OLFML2B: variants seen among roughly 807,000 people sequenced by gnomAD.
The protein encoded by OLFML2B is olfactomedin like 2B.
Under a neutral mutation model 74.9 loss-of-function variants are expected in OLFML2B, and 57 were observed. That is an observed-to-expected ratio of 0.76 (90% confidence interval 0.61 to 0.95). OLFML2B has a LOEUF of 0.95. Ranked by LOEUF, OLFML2B falls within the 40% of genes least tolerant of loss-of-function variation. The pLI, the probability that OLFML2B is intolerant of heterozygous loss-of-function variation, is 0.00. For synonymous variants in OLFML2B, 388 were observed against 405.8 expected, an observed-to-expected ratio of 0.96 and a Z score of 0.53; for missense variants, 986 against 970.6, an observed-to-expected ratio of 1.02 and a Z score of -0.21.
At chr1:162,022,260 T>TTTTTTTTTTTTTTTTTC (rs1460566719) in intron 1 of OLFML2B, among the ~76,000 whole-genome samples, 3 of 127,820 alleles carry the variant, frequency 2.3e-5, no homozygotes, top group Non-Finnish European at 3.3e-5. Flanking sequence ...TTTTTTTTTT[T>TTTTTTTTTTTTTTTTTC]TTTTTTTTGA....
chr1:162,005,801 A>G (rs1690208406), intron 4 of OLFML2B, among the ~76,000 whole-genome samples: 2 of 149,602 alleles, frequency 1.3e-5, no homozygotes, highest in Non-Finnish European at 3.0e-5. Context: ...GCTAATCAGG[A>G]GGCTGAGGCA....
At chr1:162,013,604 A>G (rs1690452901) in intron 3 of OLFML2B, among the ~76,000 whole-genome samples, 1 of 152,152 alleles carries the variant, frequency 6.6e-6, no homozygotes, top group African/African-American at 2.4e-5. Context: ...AGCATAACTA[A>G]TGCTTATCTT....
intron 6 of OLFML2B, among the ~76,000 whole-genome samples, chr1:161,987,343 T>TA (rs954867566): frequency 2.0e-5 from 3 of 151,646 alleles, no homozygotes; most frequent in Non-Finnish European, 4.4e-5. Context: ...TGTGATTACA[T>TA]AAAAAAAATC....
At chr1:162,014,312 A>C (rs1340369053) in intron 3 of OLFML2B, among the ~76,000 whole-genome samples, 2 of 152,256 alleles carry the variant, frequency 1.3e-5, no homozygotes, top group East Asian at 3.8e-4. Flanking sequence ...ACCAAAAGGT[A>C]AACTCAAAAT....
At position 162,018,989 on chromosome 1, in the gene OLFML2B, G is replaced by A. The variant is rs112616848; in HGVS notation, c.438+930C>T. 4.9e-3 allele frequency among the ~76,000 whole-genome samples: 742 copies of A among 152,306 alleles called. 5 individuals are homozygous for A. Among genetic ancestry groups the A allele is most frequent in the African/African-American group, 0.017 (703 of 41,566 alleles). ...AGTCTAATCCTACAACTGAGTGAGT[G>A]TGGCACTTGGTTCAGAAAGTTGTTC... is the stretch of plus-strand genomic sequence containing the variant. On this transcript the variant is annotated intron_variant, in intron 2 of 7. Transcript: ENST00000294794.
intron 3 of OLFML2B, among the ~76,000 whole-genome samples, chr1:162,013,891 AACACACACACAC>A (rs59665350): frequency 0.11 from 16,297 of 143,134 alleles, 981 homozygotes; most frequent in Middle Eastern, 0.2. Context: ...AAAAAAGCCC[AACACACACACAC>A]ACACACACAC....
At chr1:162,012,463 T>C (rs1003437639) in intron 3 of OLFML2B, among the ~76,000 whole-genome samples, 7 of 152,194 alleles carry the variant, frequency 4.6e-5, no homozygotes, top group African/African-American at 1.7e-4. Flanking sequence ...GCCAGTACAT[T>C]CTGGGGAGCG....
At position 162,014,727 on chromosome 1, in the gene OLFML2B, C is replaced by A. The variant is rs540970860; in HGVS notation, c.546+2673G>T. On this transcript the variant is annotated intron_variant, in intron 3 of 7. Transcript: ENST00000294794. ...AATACAGTGCTCCACTATTTGGGCA[C>A]AGGGGCCCAGACCCATCTGAAGACT... Among the ~76,000 whole-genome samples, 4 of 152,338 alleles carry A rather than the reference C, an allele frequency of 2.6e-5. No homozygotes were observed. In the South Asian group the frequency reaches 8.3e-4, roughly 32 times the overall value.
chr1:162,022,212 T>C (rs2101983434), intron 1 of OLFML2B, among the ~76,000 whole-genome samples: 1 of 150,560 alleles, frequency 6.6e-6, no homozygotes, highest in South Asian at 2.1e-4. Flanking sequence ...CTGAAGACTG[T>C]CAGACGCCCT....
Position 162,012,321 on chromosome 1 carries a change from G to A in OLFML2B, c.546+5079C>T, listed in dbSNP as rs190175163. Among the ~76,000 whole-genome samples, 238 of 152,296 alleles carry A rather than the reference G, an allele frequency of 1.6e-3. 1 individual carries two copies. Among genetic ancestry groups the A allele is most frequent in the Admixed American group, 2.5e-3 (39 of 15,298 alleles). On this transcript the variant is annotated intron_variant, in intron 3 of 7. Coordinates refer to ENST00000294794, the MANE Select transcript of OLFML2B (RefSeq NM_015441.3). ...CCAAGTCTGCACAGATGAAAATTACGTTTTCCTATTAGCTGGTGAAACGAT... is the reference window on the plus strand; with the variant it reads ...CCAAGTCTGCACAGATGAAAATTACATTTTCCTATTAGCTGGTGAAACGAT...
chr1:162,009,286 A>C (rs1690312388), intron 3 of OLFML2B, among the ~76,000 whole-genome samples: 1 of 152,150 alleles, frequency 6.6e-6, no homozygotes, highest in African/African-American at 2.4e-5. Context: ...GAGTGTCCAC[A>C]CCTGCGGCCC....
intron 6 of OLFML2B, among the ~76,000 whole-genome samples, chr1:161,986,978 G>T (rs1266818339): frequency 6.6e-6 from 1 of 152,224 alleles, no homozygotes; most frequent in Non-Finnish European, 1.5e-5. Context: ...GGACTCGTCT[G>T]TGCAGCTCCA....
chr1:161,983,817 G>T lies in OLFML2B; in HGVS notation c.2111C>A (p.Thr704Asn). The T allele has an allele frequency of 3.1e-6, 5 of 1,614,178 alleles. No homozygotes were observed. Among genetic ancestry groups the T allele is most frequent in the Non-Finnish European group, 4.2e-6 (5 of 1,180,038 alleles). ...ANISYAFDTHTNTQIVPRLLF... is the reference protein window; with the variant it reads ...ANISYAFDTHNNTQIVPRLLF... ...CAGCCTGGGGACGATCTGTGTGTTG[G>T]TGTGGGTGTCGAAAGCGTAGGAGAT... Residue 704 changes from threonine to asparagine, a missense_variant, in exon 8 of 8, where the codon ACC becomes AAC. Physicochemically the swap from Thr to Asn is moderately conservative, Grantham distance 65. Transcript: ENST00000294794.
Position 161,992,532 on chromosome 1 carries a change from C to G in OLFML2B, c.1474+5293G>C, listed in dbSNP as rs141103104. Among the ~76,000 whole-genome samples the G allele has an allele frequency of 5.7e-3, 865 of 152,352 alleles. 6 individuals carry two copies. Among genetic ancestry groups the G allele is most frequent in the African/African-American group, 0.02 (836 of 41,588 alleles). ...CCTATCTCGGCTTTTGACATGCCATCCTCGCTCAGCTCTGACATTTCCAGC... is the reference window on the plus strand; with the variant it reads ...CCTATCTCGGCTTTTGACATGCCATGCTCGCTCAGCTCTGACATTTCCAGC... On this transcript the variant is annotated intron_variant, in intron 6 of 7. Coordinates refer to ENST00000294794, the MANE Select transcript of OLFML2B (RefSeq NM_015441.3).
At chr1:161,996,929 G>T (rs999620772) in intron 6 of OLFML2B, among the ~76,000 whole-genome samples, 4 of 152,158 alleles carry the variant, frequency 2.6e-5, no homozygotes, top group Admixed American at 6.5e-5. Flanking sequence ...AGGCCGAGGT[G>T]GGGGGATCAC....
chr1:161,993,882 C>T (rs1689814177), intron 6 of OLFML2B, among the ~76,000 whole-genome samples: 1 of 152,236 alleles, frequency 6.6e-6, no homozygotes, highest in South Asian at 2.1e-4. Flanking sequence ...TCAGTCACTG[C>T]TGCCTCCCTG....
chr1:162,011,201 T>A (rs1690371086), intron 3 of OLFML2B, among the ~76,000 whole-genome samples: 4 of 152,178 alleles, frequency 2.6e-5, no homozygotes, highest in Non-Finnish European at 4.4e-5. Flanking sequence ...CTAAGGAGGC[T>A]GCCTGGGAGG....
chr1:161,999,602 C>T (rs532279101), intron 5 of OLFML2B, among the ~76,000 whole-genome samples: 15 of 151,820 alleles, frequency 9.9e-5, no homozygotes, highest in African/African-American at 2.7e-4. Flanking sequence ...GAGGAGGAGG[C>T]GAGGAGGAGC....
intron 3 of OLFML2B, among the ~76,000 whole-genome samples, chr1:162,012,060 T>C (rs554637190): frequency 6.6e-6 from 1 of 152,336 alleles, no homozygotes; most frequent in African/African-American, 2.4e-5. Flanking sequence ...AAATATATTT[T>C]AGAAACACTA....
Sources: gnomAD v4.1 joint callset for allele counts (sites outside exome capture counted in the v4.1 genomes callset) on GRCh38, gnomAD v4.1.1 for gene constraint, MANE v1.5 for transcripts, NCBI Gene and HGNC (gene_info 2026-07-23, HGNC 2026-07-21) for gene names.